Variants in NUBPL observed in about 807,000 individuals in gnomAD.
NUBPL encodes NUBP iron-sulfur cluster assembly factor, mitochondrial.
In NUBPL, 31 loss-of-function variants were observed where a neutral mutation model predicts 45.7. That is an observed-to-expected ratio of 0.68 (90% CI 0.51 to 0.92). The LOEUF (loss-of-function observed/expected upper bound fraction) is 0.92, where lower values mean the gene tolerates loss of function less well. Ranked by LOEUF, NUBPL falls within the 40% of genes least tolerant of loss-of-function variation. NUBPL has a pLI of 0.00. For synonymous variants in NUBPL, 144 were observed against 140.9 expected (o/e 1.02, Z -0.15); for missense variants, 401 against 398.7 (o/e 1.01, Z -0.05).
At chr14:31,853,358 G>A (rs1324619092) in intron 10 of NUBPL, among the ~76,000 whole-genome samples, 1 of 152,132 alleles carries the variant, frequency 6.6e-6, no homozygotes, top group Non-Finnish European at 1.5e-5. Context: ...ACCTGGCCTA[G>A]ACTGATACTT....
rs143357625 is a variant in NUBPL, at chr14:31,831,127, C to T, written c.693+4413C>T. On this transcript the variant is annotated intron_variant, in intron 8 of 10. Coordinates refer to ENST00000281081, the MANE Select transcript of NUBPL (RefSeq NM_025152.3). ...GGTGTGATCTCGGCTCACTGCAACC[C>T]CTGCCTCCTGGGTTCAAGCAATTCT... Among the ~76,000 whole-genome samples, 350 of 150,606 alleles carry T rather than the reference C, an allele frequency of 2.3e-3. 1 individual carries two copies. Among genetic ancestry groups the T allele is most frequent in the African/African-American group, 8.2e-3 (336 of 40,936 alleles).
rs566102658 is a variant in NUBPL, at chr14:31,561,430, G to A, written c.-10G>A. On this transcript the variant is annotated 5_prime_UTR_variant, in exon 1 of 11. Transcript: ENST00000281081. ...GTTTCCCAGCAGGGCTCACAGCAGCGTTCCGCGTCATGGGGATTTGGCAGC... is the reference window on the plus strand; with the variant it reads ...GTTTCCCAGCAGGGCTCACAGCAGCATTCCGCGTCATGGGGATTTGGCAGC... 1.5e-5 allele frequency: 21 copies of A among 1,393,806 alleles called. No individual in the cohort carries two copies. In the East Asian group the frequency reaches 2.2e-4, roughly 15 times the overall value. The allele number at this position is 1,393,806 out of a possible 1,614,324, so 86.3% of individuals were successfully genotyped here.
In NUBPL at chr14:31,568,554, G is replaced by C. The variant is rs538045215; in HGVS notation, c.291+3506G>C. 2.6e-4 allele frequency among the ~76,000 whole-genome samples: 39 copies of C among 152,186 alleles called. No individual in the cohort carries two copies. In the East Asian group the frequency reaches 6.6e-3, roughly 26 times the overall value. The stretch of plus-strand genomic sequence containing the variant: ...ATTGGATTCATCAAATGAATCTTCG[G>C]CCAACAACTGTTTGAGGATGATATT... On this transcript the variant is annotated intron_variant, in intron 3 of 10. Coordinates refer to ENST00000281081, the MANE Select transcript of NUBPL (RefSeq NM_025152.3).
At chr14:31,734,115 T>C (rs2038112806) in intron 6 of NUBPL, among the ~76,000 whole-genome samples, 1 of 152,200 alleles carries the variant, frequency 6.6e-6, no homozygotes, top group Non-Finnish European at 1.5e-5. Context: ...CATGATGTAT[T>C]ATTATTTTTA....
chr14:31,858,099 GA>G (rs563604892), intron 10 of NUBPL, among the ~76,000 whole-genome samples: 1 of 152,232 alleles, frequency 6.6e-6, no homozygotes, highest in Non-Finnish European at 1.5e-5. Context: ...GGAAGAAGGT[GA>G]AAGGCAAGGA....
At chr14:31,845,874 A>G (rs1299453101) in intron 8 of NUBPL, 3 of 153,472 alleles carry the variant, frequency 2.0e-5, no homozygotes, top group Non-Finnish European at 2.9e-5. Context: ...ATTGTCATCA[A>G]AGATAAATTT....
intron 6 of NUBPL, among the ~76,000 whole-genome samples, chr14:31,729,668 G>T (rs931766567): frequency 4.0e-5 from 6 of 151,754 alleles, no homozygotes; most frequent in African/African-American, 1.5e-4. Context: ...CTTGTATTCA[G>T]CCATCTTAAC....
At chr14:31,639,599 C>G (rs568474912) in intron 4 of NUBPL, among the ~76,000 whole-genome samples, 2 of 152,336 alleles carry the variant, frequency 1.3e-5, no homozygotes, top group African/African-American at 2.4e-5. Flanking sequence ...GGGAGAACCA[C>G]TGCTCTCTTC....
chr14:31,588,597 ATTTT>A lies in NUBPL; in HGVS notation c.292-10683_292-10680del, dbSNP rs71427207. ...ATCCTACTATGCCTTTAATATGTTA[ATTTT>A]TTTTTTTTAAATCCTTAAAAATAGT... On this transcript the variant is annotated intron_variant, in intron 3 of 10. Coordinates refer to ENST00000281081, the MANE Select transcript of NUBPL (RefSeq NM_025152.3). Among the ~76,000 whole-genome samples, 29 of 151,274 alleles carry A rather than the reference ATTTT, an allele frequency of 1.9e-4. No individual in the cohort carries two copies. The South Asian group carries it at 6.1e-3, about 32-fold the overall frequency.
intron 7 of NUBPL, among the ~76,000 whole-genome samples, chr14:31,806,961 T>C (rs2039700995): frequency 2.0e-5 from 3 of 152,212 alleles, no homozygotes; most frequent in Admixed American, 2.0e-4. Context: ...TCATCCTTTT[T>C]TATGGCTGCA....
At chr14:31,834,395 G>T (rs12883664) in intron 8 of NUBPL, among the ~76,000 whole-genome samples, 2 of 151,954 alleles carry the variant, frequency 1.3e-5, no homozygotes, top group East Asian at 1.9e-4. Context: ...TAGCCAGGAT[G>T]GTCTCGATCT....
chr14:31,694,174 A>G (rs1454081587), intron 6 of NUBPL, among the ~76,000 whole-genome samples: 2 of 152,060 alleles, frequency 1.3e-5, no homozygotes, highest in African/African-American at 4.8e-5. Flanking sequence ...TAGACTTTCT[A>G]TATAATATAG....
intron 10 of NUBPL, among the ~76,000 whole-genome samples, chr14:31,857,147 T>C (rs779125766): frequency 6.6e-6 from 1 of 152,322 alleles, no homozygotes; most frequent in East Asian, 1.9e-4. Flanking sequence ...TCTTGATTTC[T>C]GTGCACCCAC....
At chr14:31,577,068 T>C (rs1011921181) in intron 3 of NUBPL, among the ~76,000 whole-genome samples, 1 of 152,212 alleles carries the variant, frequency 6.6e-6, no homozygotes, top group African/African-American at 2.4e-5. Context: ...GAAGTAGTTA[T>C]GTGCCTTCCC....
At chr14:31,593,406 C>T (rs1278997145) in intron 3 of NUBPL, among the ~76,000 whole-genome samples, 6 of 147,258 alleles carry the variant, frequency 4.1e-5, no homozygotes, top group Admixed American at 1.4e-4. Flanking sequence ...CCCGGTTACT[C>T]GGGAGGCTGA....
At chr14:31,753,802 C>T (rs964414587) in intron 6 of NUBPL, among the ~76,000 whole-genome samples, 5 of 152,124 alleles carry the variant, frequency 3.3e-5, no homozygotes, top group Non-Finnish European at 5.9e-5. Flanking sequence ...TTTGTCACTT[C>T]CTTGCTGAAT....
chr14:31,650,434 C>T (rs375286225), intron 4 of NUBPL, among the ~76,000 whole-genome samples: 11 of 152,048 alleles, frequency 7.2e-5, no homozygotes, highest in East Asian at 5.8e-4. Flanking sequence ...GGACTACAGG[C>T]GCCCGCCACC....
chr14:31,845,215 C>G (rs2138989474), intron 8 of NUBPL: 1 of 152,278 alleles, frequency 6.6e-6, no homozygotes, highest in South Asian at 2.1e-4. Flanking sequence ...TTAGCTGTAT[C>G]TATTTTGTAG....
At chr14:31,606,837 C>T (rs530110485) in intron 4 of NUBPL, among the ~76,000 whole-genome samples, 1 of 152,232 alleles carries the variant, frequency 6.6e-6, no homozygotes, top group African/African-American at 2.4e-5. Context: ...AAAATTTCCT[C>T]CTGATTCCCA....
Sources: allele counts gnomAD v4.1 joint callset (sites outside exome capture counted in the v4.1 genomes callset), GRCh38; gene constraint gnomAD v4.1.1; transcripts MANE v1.5; gene names NCBI Gene and HGNC (gene_info 2026-07-23, HGNC 2026-07-21).